Variants in KCNH5 observed in about 807,000 individuals in gnomAD.
KCNH5 encodes the protein potassium voltage-gated channel subfamily H member 5.
KCNH5 carries 46 observed loss-of-function variants against 96.1 expected under a neutral mutation model. The ratio of observed to expected loss-of-function variants is 0.48; its 90% CI spans 0.38 to 0.61. The LOEUF (loss-of-function observed/expected upper bound fraction) is 0.61. Ranked by LOEUF, KCNH5 falls within the 20% of genes least tolerant of loss-of-function variation. The pLI is 0.00. For missense variants in KCNH5, 907 were observed against 1,225.8 expected, an observed-to-expected ratio of 0.74 and a Z score of 3.88; for synonymous variants, 439 against 449.8, an observed-to-expected ratio of 0.98 and a Z score of 0.30.
chr14:62,852,065 T>G (rs1887818388), intron 7 of KCNH5, among the ~76,000 whole-genome samples: 1 of 152,222 alleles, frequency 6.6e-6, no homozygotes, highest in Non-Finnish European at 1.5e-5. Context: ...TTTTTCACTT[T>G]CATTATTTTA....
At chr14:63,043,721 G>C (rs1402459824) in intron 1 of KCNH5, among the ~76,000 whole-genome samples, 1 of 152,104 alleles carries the variant, frequency 6.6e-6, no homozygotes, top group South Asian at 2.1e-4. Flanking sequence ...TCAGATATTT[G>C]GGGAAAATAC....
rs35409070 is a variant in KCNH5, at chr14:62,801,499, ATTTTTTTTT to A, written c.1822+821_1822+829del. On this transcript the variant is annotated intron_variant, in intron 9 of 10. Transcript: ENST00000322893. Reference sequence around the variant, plus strand: ...AAATGATCTAAAAGGTCATTTGGCAATTTTTTTTTTTTTTTTTTTTTTTGCCAAGCGTAT... The same window carrying A: ...AAATGATCTAAAAGGTCATTTGGCAATTTTTTTTTTTTTTGCCAAGCGTAT... 3.4e-4 allele frequency among the ~76,000 whole-genome samples: 37 copies of A among 108,852 alleles called. No homozygotes were observed. In the East Asian group the frequency reaches 9.5e-3, roughly 28 times the overall value. 71.4% of individuals were successfully genotyped at this position (108,852 alleles called of 152,430 possible). A position where few individuals can be genotyped will look rare whatever the true frequency, so the allele number is the denominator to read the frequency against.
chr14:62,890,509 C>A (rs1307518873), intron 7 of KCNH5, among the ~76,000 whole-genome samples: 7 of 150,666 alleles, frequency 4.6e-5, no homozygotes, highest in Non-Finnish European at 8.9e-5. Flanking sequence ...TCCCGGCTAA[C>A]ACGGTGAAAC....
At chr14:62,991,439 C>T (rs1279553925) in intron 4 of KCNH5, among the ~76,000 whole-genome samples, 1 of 151,946 alleles carries the variant, frequency 6.6e-6, no homozygotes, top group African/African-American at 2.4e-5. Flanking sequence ...AAATGTTGAA[C>T]TGACTCAGAC....
chr14:62,768,254 T>G (rs1885907908), intron 10 of KCNH5, among the ~76,000 whole-genome samples: 1 of 152,088 alleles, frequency 6.6e-6, no homozygotes, highest in Non-Finnish European at 1.5e-5. Flanking sequence ...AAACAAGGCC[T>G]AAGTAGTTAG....
chr14:62,778,246 C>G (rs1886139136), intron 10 of KCNH5, among the ~76,000 whole-genome samples: 1 of 152,304 alleles, frequency 6.6e-6, no homozygotes, highest in Non-Finnish European at 1.5e-5. Flanking sequence ...CGAAGTCCTG[C>G]TGTCTGCCCT....
rs2139894251 is a variant in KCNH5, at chr14:62,702,524, A to T, written c.*4984T>A. ...TGTAACAAGTATGCCATCCTGGACAAGTTCCTTAACCTATACCTTCATGGG... is the reference window on the plus strand; with the variant it reads ...TGTAACAAGTATGCCATCCTGGACATGTTCCTTAACCTATACCTTCATGGG... On this transcript the variant is annotated 3_prime_UTR_variant, in exon 11 of 11. Transcript: ENST00000322893. 6.6e-6 allele frequency: 1 copy of T among 152,092 alleles called. No homozygotes were observed. The highest frequency in any genetic ancestry group is 1.9e-4 in the East Asian group (1 of 5,186). 9.4% of individuals were successfully genotyped at this position (152,092 alleles called of 1,614,324 possible).
intron 8 of KCNH5, among the ~76,000 whole-genome samples, chr14:62,821,674 G>A (rs577791445): frequency 6.6e-6 from 1 of 152,036 alleles, no homozygotes; most frequent in African/African-American, 2.4e-5. Context: ...TATTTATTCA[G>A]ACATAATTTT....
At chr14:62,756,424 T>G (rs1312365649) in intron 10 of KCNH5, among the ~76,000 whole-genome samples, 1 of 151,990 alleles carries the variant, frequency 6.6e-6, no homozygotes, top group Non-Finnish European at 1.5e-5. Flanking sequence ...ACCAATAACA[T>G]TCTTCAAAGA....
intron 7 of KCNH5, among the ~76,000 whole-genome samples, chr14:62,938,879 G>C (rs993116846): frequency 1.3e-5 from 2 of 152,184 alleles, no homozygotes; most frequent in Non-Finnish European, 2.9e-5. Context: ...TAACACAAAA[G>C]AGAAATTCTA....
chr14:62,818,554 C>G (rs1566670859), intron 8 of KCNH5, among the ~76,000 whole-genome samples: 1 of 152,084 alleles, frequency 6.6e-6, no homozygotes, highest in Non-Finnish European at 1.5e-5. Flanking sequence ...CCAAAACCCT[C>G]GGGTATCCCA....
intron 2 of KCNH5, among the ~76,000 whole-genome samples, chr14:63,014,582 G>C (rs1247003531): frequency 6.6e-6 from 1 of 152,068 alleles, no homozygotes; most frequent in African/African-American, 2.4e-5. Flanking sequence ...CACAAGAAGG[G>C]ATGAGAGCAG....
intron 1 of KCNH5, among the ~76,000 whole-genome samples, chr14:63,043,290 A>G (rs1465929021): frequency 6.6e-6 from 1 of 152,152 alleles, no homozygotes; most frequent in Non-Finnish European, 1.5e-5. Context: ...AAGCAGAGCA[A>G]TCGTAACCCT....
intron 6 of KCNH5, among the ~76,000 whole-genome samples, chr14:62,956,927 G>A (rs1164399986): frequency 6.6e-6 from 1 of 152,058 alleles, no homozygotes; most frequent in Non-Finnish European, 1.5e-5. Flanking sequence ...CAATCTTTCT[G>A]TGCCCTCCTC....
chr14:62,927,197 A>G (rs1889492706), intron 7 of KCNH5, among the ~76,000 whole-genome samples: 1 of 152,196 alleles, frequency 6.6e-6, no homozygotes, highest in Admixed American at 6.5e-5. Flanking sequence ...ACAATGAGAT[A>G]CTACCTCACA....
At chr14:62,854,021 A>AC (rs1566682987) in intron 7 of KCNH5, among the ~76,000 whole-genome samples, 3 of 150,328 alleles carry the variant, frequency 2.0e-5, no homozygotes, top group Admixed American at 6.6e-5. Flanking sequence ...AAAAAAAACA[A>AC]AAAAAACAAA....
chr14:62,827,972 T>C (rs1887261944), intron 8 of KCNH5, among the ~76,000 whole-genome samples: 1 of 152,214 alleles, frequency 6.6e-6, no homozygotes, highest in African/African-American at 2.4e-5. Context: ...TTAATTTTTT[T>C]GAATTGCTTC....
intron 6 of KCNH5, among the ~76,000 whole-genome samples, chr14:62,975,536 G>A (rs1890484036): frequency 6.6e-6 from 1 of 151,922 alleles, no homozygotes; most frequent in Admixed American, 6.6e-5. Context: ...CAAAATAAAA[G>A]ACAATAATAA....
At chr14:63,025,660 A>C (rs764925111) in intron 1 of KCNH5, among the ~76,000 whole-genome samples, 12 of 152,084 alleles carry the variant, frequency 7.9e-5, no homozygotes, top group Non-Finnish European at 1.6e-4. Flanking sequence ...TTAACCAAGA[A>C]GGTGAAAGAT....
Sources: gnomAD v4.1 joint callset for allele counts (sites outside exome capture counted in the v4.1 genomes callset) on GRCh38, gnomAD v4.1.1 for gene constraint, MANE v1.5 for transcripts, NCBI Gene and HGNC (gene_info 2026-07-23, HGNC 2026-07-21) for gene names.